Variants in DNAJC3 observed in about 807,000 individuals in gnomAD.
DNAJC3 encodes the protein dnaJ homolog subfamily C member 3.
DNAJC3 carries 38 observed loss-of-function variants against 68.6 expected under a neutral mutation model. That is an observed-to-expected ratio of 0.55 (90% CI 0.43 to 0.73). The LOEUF (loss-of-function observed/expected upper bound fraction) is 0.73. Among genes scored for constraint, DNAJC3 ranks in the 30% least tolerant of loss-of-function variants. The pLI is 0.00. For synonymous variants in DNAJC3, 203 were observed against 204.0 expected (o/e 1.00, Z 0.04); for missense variants, 526 against 591.9 (o/e 0.89, Z 1.16).
chr13:95,751,298 G>A (rs144181421), intron 4 of DNAJC3, among the ~76,000 whole-genome samples: 2 of 152,172 alleles, frequency 1.3e-5, no homozygotes, highest in Non-Finnish European at 2.9e-5. Flanking sequence ...CAGGAAATAA[G>A]TCCTAAACAT....
intron 4 of DNAJC3, among the ~76,000 whole-genome samples, chr13:95,726,031 T>G (rs557492693): frequency 1.3e-5 from 2 of 152,188 alleles, no homozygotes; most frequent in East Asian, 1.9e-4. Flanking sequence ...TGTATAGTAT[T>G]CCATGGTGTA....
intron 2 of DNAJC3, among the ~76,000 whole-genome samples, chr13:95,715,858 T>C (rs1395248510): frequency 6.6e-6 from 1 of 151,804 alleles, no homozygotes; most frequent in African/African-American, 2.4e-5. Context: ...TAACAAACTA[T>C]AGAAAATAAA....
intron 2 of DNAJC3, among the ~76,000 whole-genome samples, chr13:95,713,917 A>T (rs113685413): frequency 6.6e-6 from 1 of 152,208 alleles, no homozygotes; most frequent in Non-Finnish European, 1.5e-5. Context: ...AACTTTTCCA[A>T]GTGGCCCTAG....
At chr13:95,779,091 A>T (rs1304849670) in intron 9 of DNAJC3, among the ~76,000 whole-genome samples, 2 of 147,480 alleles carry the variant, frequency 1.4e-5, no homozygotes, top group East Asian at 3.9e-4. Flanking sequence ...ACATAACGGA[A>T]TTTATAATCT....
rs906229178 is a variant in DNAJC3, at chr13:95,792,371, T to C, written c.*1341T>C. 8 of 152,240 alleles carry C rather than the reference T, an allele frequency of 5.3e-5. No individual in the cohort carries two copies. The highest frequency in any genetic ancestry group is 1.9e-4 in the African/African-American group (8 of 41,472). 9.4% of individuals were successfully genotyped at this position (152,240 alleles called of 1,614,324 possible). Reference sequence around the variant, plus strand: ...AGCTGAAGGAATTACTTTAGATAGATAGGAATTGCTACCTTTATTCTGGAA... The same window carrying C: ...AGCTGAAGGAATTACTTTAGATAGACAGGAATTGCTACCTTTATTCTGGAA... On this transcript the variant is annotated 3_prime_UTR_variant, in exon 12 of 12. Transcript: ENST00000602402.
intron 4 of DNAJC3, among the ~76,000 whole-genome samples, chr13:95,734,866 T>G (rs1458106490): frequency 6.6e-6 from 1 of 151,214 alleles, no homozygotes; most frequent in Non-Finnish European, 1.5e-5. Flanking sequence ...ATGTGCACAT[T>G]GTGCAGGTTA....
intron 1 of DNAJC3, among the ~76,000 whole-genome samples, chr13:95,691,947 G>GGGCAGGTTGA (rs1880280914): frequency 6.6e-6 from 1 of 152,212 alleles, no homozygotes; most frequent in Non-Finnish European, 1.5e-5. Context: ...CGCAGGCACT[G>GGGCAGGTTGA]GGCAGGTTGA....
At chr13:95,722,986 T>C (rs1881384923) in intron 2 of DNAJC3, among the ~76,000 whole-genome samples, 1 of 152,108 alleles carries the variant, frequency 6.6e-6, no homozygotes, top group Non-Finnish European at 1.5e-5. Context: ...TGGGCAACTT[T>C]TAAGAAATGT....
At chr13:95,682,875 C>T (rs371148039) in intron 1 of DNAJC3, among the ~76,000 whole-genome samples, 17 of 152,106 alleles carry the variant, frequency 1.1e-4, no homozygotes, top group Non-Finnish European at 2.4e-4. Context: ...AATTATAATA[C>T]GTTTAAGTAA....
Position 95,791,262 on chromosome 13 carries a change from T to G in DNAJC3, c.*232T>G. 1 of 533,110 alleles carries G rather than the reference T, an allele frequency of 1.9e-6. No individual in the cohort carries two copies. Among genetic ancestry groups the G allele is most frequent in the Non-Finnish European group, 3.3e-6 (1 of 303,216 alleles). 33.0% of individuals were successfully genotyped at this position (533,110 alleles called of 1,614,324 possible). On this transcript the variant is annotated 3_prime_UTR_variant, in exon 12 of 12. Transcript: ENST00000602402. ...TTCTGACAGAGCAGCCTGCATCTGCTTTATGCTGTCTGGAGGGAAGTGGTC... is the reference window on the plus strand; with the variant it reads ...TTCTGACAGAGCAGCCTGCATCTGCGTTATGCTGTCTGGAGGGAAGTGGTC...
At chr13:95,722,686 C>T (rs1158779029) in intron 2 of DNAJC3, among the ~76,000 whole-genome samples, 3 of 150,354 alleles carry the variant, frequency 2.0e-5, no homozygotes, top group African/African-American at 4.9e-5. Context: ...GCTGAGGTGG[C>T]GAATACGCCT....
chr13:95,757,893 GA>G, intron 5 of DNAJC3, 97 bp downstream of exon 5: 1 of 1,312,806 alleles, frequency 7.6e-7, no homozygotes. Flanking sequence ...ACCTAGACAG[GA>G]GAAAATCAGG....
At chr13:95,779,318 G>GT (rs1883379888) in intron 9 of DNAJC3, among the ~76,000 whole-genome samples, 1 of 151,556 alleles carries the variant, frequency 6.6e-6, no homozygotes. Flanking sequence ...TAGAGACGGG[G>GT]TTTCACCGTG....
intron 2 of DNAJC3, among the ~76,000 whole-genome samples, chr13:95,714,773 C>T (rs1881085503): frequency 6.6e-6 from 1 of 152,194 alleles, no homozygotes; most frequent in South Asian, 2.1e-4. Context: ...AGTATTTATT[C>T]TTACCTACTA....
intron 1 of DNAJC3, among the ~76,000 whole-genome samples, chr13:95,688,931 TGTG>T (rs1566466648): frequency 1.2e-4 from 10 of 86,284 alleles, no homozygotes; most frequent in African/African-American, 3.6e-4. Context: ...TGTGTGGGTG[TGTG>T]TGTGTGTGTG....
intron 7 of DNAJC3, among the ~76,000 whole-genome samples, chr13:95,762,814 T>G (rs1364480322): frequency 1.3e-5 from 2 of 152,202 alleles, no homozygotes; most frequent in Non-Finnish European, 2.9e-5. Flanking sequence ...TTCCCCTCCC[T>G]GTGTCCATGT....
At chr13:95,693,399 A>G (rs1880335727) in intron 1 of DNAJC3, 1 of 152,172 alleles carries the variant, frequency 6.6e-6, no homozygotes, top group Admixed American at 6.5e-5. Context: ...TGTTTGTAGT[A>G]TCAGAATTAT....
chr13:95,733,252 A>G (rs768200743), intron 4 of DNAJC3, among the ~76,000 whole-genome samples: 1 of 152,126 alleles, frequency 6.6e-6, no homozygotes, highest in Non-Finnish European at 1.5e-5. Flanking sequence ...CACTATTATT[A>G]TCTTGGAGAT....
intron 1 of DNAJC3, among the ~76,000 whole-genome samples, chr13:95,685,121 A>G (rs899526113): frequency 6.6e-5 from 10 of 152,214 alleles, no homozygotes; most frequent in Non-Finnish European, 8.8e-5. Context: ...AGCTTGCACC[A>G]TGCACCTGGA....
Sources: gnomAD v4.1 joint callset for allele counts (sites outside exome capture counted in the v4.1 genomes callset) on GRCh38, gnomAD v4.1.1 for gene constraint, MANE v1.5 for transcripts, NCBI Gene and HGNC (gene_info 2026-07-23, HGNC 2026-07-21) for gene names.